TMEM117: variants seen among roughly 807,000 people sequenced by gnomAD.
TMEM117 encodes the protein transmembrane protein 117.
Under a neutral mutation model 52.4 loss-of-function variants are expected in TMEM117, and 27 were observed. The observed-to-expected ratio is 0.51, with a 90% CI of 0.38 to 0.71. The LOEUF (loss-of-function observed/expected upper bound fraction) is 0.71. Ranked by LOEUF, TMEM117 falls within the 30% of genes least tolerant of loss-of-function variation. TMEM117 has a pLI of 0.00. For missense variants in TMEM117, 556 were observed against 630.5 expected (o/e 0.88, Z 1.26); for synonymous variants, 215 against 206.3 (o/e 1.04, Z -0.36).
At chr12:44,155,422 G>A (rs1437627884) in intron 4 of TMEM117, among the ~76,000 whole-genome samples, 3 of 152,036 alleles carry the variant, frequency 2.0e-5, no homozygotes, top group Non-Finnish European at 4.4e-5. Flanking sequence ...CCCTAGACTT[G>A]CTGGTTTGGC....
At chr12:43,893,638 T>A (rs576150840) in intron 2 of TMEM117, among the ~76,000 whole-genome samples, 1 of 152,342 alleles carries the variant, frequency 6.6e-6, no homozygotes, top group African/African-American at 2.4e-5. Context: ...ATTTTTTCCA[T>A]CCAAATGTTA....
At chr12:44,383,938 A>G (rs1316168991) in intron 7 of TMEM117, among the ~76,000 whole-genome samples, 1 of 152,152 alleles carries the variant, frequency 6.6e-6, no homozygotes, top group Non-Finnish European at 1.5e-5. Context: ...AGCATAAAAC[A>G]CTAAGATTTA....
chr12:43,938,596 ATAT>A (rs1204257508), intron 2 of TMEM117, among the ~76,000 whole-genome samples: 1 of 152,162 alleles, frequency 6.6e-6, no homozygotes, highest in African/African-American at 2.4e-5. Flanking sequence ...AGTCTTGATA[ATAT>A]TATCTGAGTG....
intron 6 of TMEM117, among the ~76,000 whole-genome samples, chr12:44,332,952 T>G (rs1951292192): frequency 6.6e-6 from 1 of 152,110 alleles, no homozygotes; most frequent in African/African-American, 2.4e-5. Context: ...GCTATACCGA[T>G]TCTGTTGCAA....
At chr12:44,106,947 G>GCTATTATA (rs1398202607) in intron 3 of TMEM117, among the ~76,000 whole-genome samples, 1 of 151,532 alleles carries the variant, frequency 6.6e-6, no homozygotes, top group East Asian at 1.9e-4. Context: ...CTGTTTTATT[G>GCTATTATA]CTATTATACT....
the TMEM117 span, among the ~76,000 whole-genome samples, chr12:43,824,902 C>T: frequency 6.6e-6 from 1 of 152,148 alleles, no homozygotes; most frequent in Non-Finnish European, 1.5e-5. Flanking sequence ...CTCCAGCACC[C>T]CAGCCTGGGC....
intron 6 of TMEM117, among the ~76,000 whole-genome samples, chr12:44,321,011 A>C (rs2138699007): frequency 1.3e-5 from 2 of 152,296 alleles, no homozygotes; most frequent in South Asian, 4.1e-4. Context: ...AACTGGGAGC[A>C]ATTTTATTTT....
At chr12:44,019,299 C>T (rs1946420385) in intron 3 of TMEM117, among the ~76,000 whole-genome samples, 1 of 151,932 alleles carries the variant, frequency 6.6e-6, no homozygotes, top group South Asian at 2.1e-4. Flanking sequence ...TGCGCACTTC[C>T]CTGAAAAGAC....
At chr12:44,154,706 T>C (rs1320356866) in intron 4 of TMEM117, among the ~76,000 whole-genome samples, 1 of 151,846 alleles carries the variant, frequency 6.6e-6, no homozygotes, top group Non-Finnish European at 1.5e-5. Flanking sequence ...CATTTTATTT[T>C]ACTTAAATAA....
intron 2 of TMEM117, among the ~76,000 whole-genome samples, chr12:43,864,172 C>T (rs551767695): frequency 1.3e-5 from 2 of 152,308 alleles, no homozygotes; most frequent in East Asian, 3.9e-4. Flanking sequence ...GCCTGAGTCT[C>T]CCTCACTCCC....
At chr12:44,383,059 C>T (rs1952041926) in intron 7 of TMEM117, among the ~76,000 whole-genome samples, 1 of 152,114 alleles carries the variant, frequency 6.6e-6, no homozygotes, top group South Asian at 2.1e-4. Context: ...TGGTTTTGTG[C>T]TGTCCCATGA....
the TMEM117 span, among the ~76,000 whole-genome samples, chr12:43,828,606 T>C: frequency 6.6e-6 from 1 of 152,190 alleles, no homozygotes; most frequent in Admixed American, 6.5e-5. Context: ...ATAATTTTTG[T>C]TTCTTATTAT....
Position 44,324,335 on chromosome 12 carries a change from A to G in TMEM117, c.768+24596A>G, listed in dbSNP as rs376002762. Among the ~76,000 whole-genome samples the G allele has an allele frequency of 1.9e-4, 29 of 152,196 alleles. No homozygotes were observed. The South Asian group carries it at 5.8e-3, about 30-fold the overall frequency. On this transcript the variant is annotated intron_variant, in intron 6 of 7. Transcript: ENST00000266534. The stretch of plus-strand genomic sequence containing the variant: ...TATTTTCACCATCTTCAATATCATT[A>G]CTATGCTCTATAACATATTAGAGCC...
chr12:43,882,877 C>T lies in TMEM117; in HGVS notation c.277+37949C>T, dbSNP rs1162913071. On this transcript the variant is annotated intron_variant, in intron 2 of 7. Transcript: ENST00000266534. ...TTTGGAGGAAAAAAACTAAGATTAA[C>T]GATAAAGATGTTCATTTCTCTGCAG... Among the ~76,000 whole-genome samples the T allele has an allele frequency of 2.6e-5, 4 of 152,204 alleles. No individual in the cohort carries two copies. In the South Asian group the frequency reaches 8.3e-4, roughly 32 times the overall value.
At chr12:44,133,988 G>T (rs1948453019) in intron 3 of TMEM117, among the ~76,000 whole-genome samples, 1 of 152,062 alleles carries the variant, frequency 6.6e-6, no homozygotes, top group South Asian at 2.1e-4. Context: ...CTTCAGAAAT[G>T]CAGCCTCCAC....
At chr12:44,166,583 A>C (rs946026205) in intron 4 of TMEM117, among the ~76,000 whole-genome samples, 4 of 152,216 alleles carry the variant, frequency 2.6e-5, no homozygotes, top group African/African-American at 7.2e-5. Flanking sequence ...GGTGAATTAC[A>C]CAAGATTGCT....
intron 5 of TMEM117, among the ~76,000 whole-genome samples, chr12:44,234,664 G>C (rs1949973017): frequency 6.6e-6 from 1 of 150,890 alleles, no homozygotes; most frequent in African/African-American, 2.4e-5. Context: ...ATACCTTGAA[G>C]TGAATACTGA....
intron 5 of TMEM117, among the ~76,000 whole-genome samples, chr12:44,296,643 G>A (rs1478224334): frequency 6.6e-6 from 1 of 152,228 alleles, no homozygotes; most frequent in Non-Finnish European, 1.5e-5. Context: ...TGGGACCAAA[G>A]TTGGTGGGAC....
At chr12:43,971,171 C>T (rs937126279) in intron 3 of TMEM117, among the ~76,000 whole-genome samples, 1 of 152,160 alleles carries the variant, frequency 6.6e-6, no homozygotes, top group Admixed American at 6.5e-5. Flanking sequence ...AAGTATCTCT[C>T]AAATCCATTT....
Sources: gnomAD v4.1 joint callset for allele counts (sites outside exome capture counted in the v4.1 genomes callset) on GRCh38, gnomAD v4.1.1 for gene constraint, MANE v1.5 for transcripts, NCBI Gene and HGNC (gene_info 2026-07-23, HGNC 2026-07-21) for gene names.